The following EIPR1 variants were observed in gnomAD, a reference collection of about 807,000 sequenced individuals.
EIPR1 encodes the protein EARP complex and GARP complex interacting protein 1.
EIPR1 carries 25 observed loss-of-function variants against 48.1 expected under a neutral mutation model. The ratio of observed to expected loss-of-function variants is 0.52; its 90% CI spans 0.38 to 0.73. EIPR1 has a LOEUF of 0.73. Among genes scored for constraint, EIPR1 ranks in the 30% least tolerant of loss-of-function variants. The pLI is 0.00. For missense variants in EIPR1, 415 were observed against 506.2 expected (o/e 0.82, Z 1.73); for synonymous variants, 204 against 201.9 (o/e 1.01, Z -0.09).
intron 4 of EIPR1, among the ~76,000 whole-genome samples, chr2:3,237,025 C>A (rs965562492): frequency 1.3e-5 from 2 of 152,114 alleles, no homozygotes; most frequent in Admixed American, 1.3e-4. Flanking sequence ...TGATTTCCTA[C>A]GGTGGCTGCA....
At chr2:3,283,799 C>T (rs1346543458) in intron 3 of EIPR1, among the ~76,000 whole-genome samples, 1 of 151,920 alleles carries the variant, frequency 6.6e-6, no homozygotes, top group Non-Finnish European at 1.5e-5. Context: ...AAAAATTAGC[C>T]GGGCGTGGTG....
At chr2:3,265,573 T>G (rs895714023) in intron 3 of EIPR1, among the ~76,000 whole-genome samples, 2 of 152,254 alleles carry the variant, frequency 1.3e-5, no homozygotes, top group Admixed American at 1.3e-4. Context: ...CACACGCTCC[T>G]GAACTGAGGT....
At position 3,286,540 on chromosome 2, in the gene EIPR1, G is replaced by A. The variant is rs572325211; in HGVS notation, c.260-29085C>T. ...GGGAAAGGCTGAGGCATCAGGCTTC[G>A]GGCTGTGTCTACCTTGGTGACTCTG... On this transcript the variant is annotated intron_variant, in intron 3 of 8. Transcript: ENST00000382125. The surrounding 1 kb of genome is among the most constrained non-coding windows in gnomAD (Gnocchi z 4.2). 2.6e-5 allele frequency among the ~76,000 whole-genome samples: 4 copies of A among 152,312 alleles called. No individual in the cohort carries two copies. The highest frequency in any genetic ancestry group is 2.1e-4 in the South Asian group (1 of 4,826).
chr2:3,259,322 G>A (rs1189667064), intron 3 of EIPR1, among the ~76,000 whole-genome samples: 1 of 152,060 alleles, frequency 6.6e-6, no homozygotes, highest in East Asian at 1.9e-4. Context: ...CTTCTTTGGA[G>A]AATTCTGTTC....
chr2:3,282,032 A>G (rs1668028897), intron 3 of EIPR1, among the ~76,000 whole-genome samples: 1 of 152,238 alleles, frequency 6.6e-6, no homozygotes, highest in Non-Finnish European at 1.5e-5. Context: ...GGAAATGAGA[A>G]TTTTATATTC....
intron 2 of EIPR1, among the ~76,000 whole-genome samples, chr2:3,341,121 C>CAAAAAAAA (rs1258563248): frequency 7.6e-5 from 7 of 91,588 alleles, no homozygotes; most frequent in Non-Finnish European, 1.5e-4. Flanking sequence ...AAAAAAAAAA[C>CAAAAAAAA]AAAACAAAAC....
intron 3 of EIPR1, among the ~76,000 whole-genome samples, chr2:3,258,877 T>C (rs976517614): frequency 2.7e-4 from 41 of 152,302 alleles, no homozygotes; most frequent in Non-Finnish European, 2.8e-4. Flanking sequence ...CTTCCAACTT[T>C]ACAAAAATGG....
intron 3 of EIPR1, among the ~76,000 whole-genome samples, chr2:3,326,634 G>C (rs747348899): frequency 6.6e-6 from 1 of 152,174 alleles, no homozygotes; most frequent in Non-Finnish European, 1.5e-5. Context: ...GCGAGACAGA[G>C]AAAGGGGGAA....
intron 4 of EIPR1, among the ~76,000 whole-genome samples, chr2:3,244,838 C>T (rs1415177796): frequency 6.6e-6 from 1 of 152,196 alleles, no homozygotes; most frequent in African/African-American, 2.4e-5. Flanking sequence ...CCTGGACACA[C>T]CGATCTGCCT....
chr2:3,315,019 C>T (rs1434485772), intron 3 of EIPR1, among the ~76,000 whole-genome samples: 1 of 151,522 alleles, frequency 6.6e-6, no homozygotes, highest in Admixed American at 6.6e-5. Flanking sequence ...GCTGCACTTA[C>T]TCACATGTCC....
chr2:3,335,997 G>A (rs151143475), intron 3 of EIPR1, among the ~76,000 whole-genome samples: 268 of 152,304 alleles, frequency 1.8e-3, no homozygotes, highest in African/African-American at 6.0e-3. Context: ...GGCCGAGGAC[G>A]GGCCACACTG....
chr2:3,293,964 A>G (rs1288442970), intron 3 of EIPR1, among the ~76,000 whole-genome samples: 1 of 152,214 alleles, frequency 6.6e-6, no homozygotes, highest in Non-Finnish European at 1.5e-5. Context: ...TGAACACCAC[A>G]GACTCCAAAC....
At chr2:3,193,318 A>G (rs897334425) in intron 7 of EIPR1, among the ~76,000 whole-genome samples, 1 of 152,242 alleles carries the variant, frequency 6.6e-6, no homozygotes, top group Non-Finnish European at 1.5e-5. Context: ...TGCAGGCCAT[A>G]GGGAGTGAAT....
chr2:3,364,197 G>A (rs560637548), intron 1 of EIPR1, among the ~76,000 whole-genome samples: 1 of 152,280 alleles, frequency 6.6e-6, no homozygotes, highest in Non-Finnish European at 1.5e-5. Flanking sequence ...GTATGTTGAA[G>A]AGATACCTGC....
intron 1 of EIPR1, among the ~76,000 whole-genome samples, chr2:3,355,570 AGCCTG>A (rs983483423): frequency 2.6e-5 from 4 of 152,212 alleles, no homozygotes; most frequent in African/African-American, 9.6e-5. Flanking sequence ...GCACTTTGGG[AGCCTG>A]AGGCAGTAAG....
At chr2:3,206,265 A>G (rs868688940) in intron 5 of EIPR1, among the ~76,000 whole-genome samples, 1 of 152,172 alleles carries the variant, frequency 6.6e-6, no homozygotes, top group African/African-American at 2.4e-5. Flanking sequence ...GGGGACAGAG[A>G]AAGGGTGGAG....
chr2:3,297,914 C>A (rs1239564153), intron 3 of EIPR1, among the ~76,000 whole-genome samples: 1 of 152,170 alleles, frequency 6.6e-6, no homozygotes, highest in East Asian at 1.9e-4. Context: ...ATCTGCCTCC[C>A]GGGTTCAGCT....
intron 3 of EIPR1, among the ~76,000 whole-genome samples, chr2:3,301,633 C>T (rs893056422): frequency 4.6e-5 from 7 of 152,340 alleles, no homozygotes; most frequent in South Asian, 2.1e-4. Context: ...CAAAACCAAA[C>T]GAGAAAAGTG....
intron 3 of EIPR1, among the ~76,000 whole-genome samples, chr2:3,289,523 C>T (rs772672667): frequency 6.6e-6 from 1 of 152,152 alleles, no homozygotes; most frequent in African/African-American, 2.4e-5. Context: ...CCTGGCCTTC[C>T]GCTTCTGTGC....
Sources: gnomAD v4.1 joint callset for allele counts (sites outside exome capture counted in the v4.1 genomes callset) on GRCh38, gnomAD v4.1.1 for gene constraint, Gnocchi (gnomAD v3.1) non-coding constraint, MANE v1.5 for transcripts, NCBI Gene and HGNC (gene_info 2026-07-23, HGNC 2026-07-21) for gene names.